PCBP3: variants seen among roughly 807,000 people sequenced by gnomAD.
The protein encoded by PCBP3 is poly(rC) binding protein 3.
A neutral mutation model predicts 52.7 loss-of-function variants in PCBP3; 25 were observed. That is an observed-to-expected ratio of 0.47 (90% CI 0.35 to 0.66). PCBP3 has a LOEUF of 0.66. PCBP3 is among the 30% of genes least tolerant of loss of function. The pLI is 0.01. For missense variants in PCBP3, 391 were observed against 490.3 expected (o/e 0.80, Z 1.91); for synonymous variants, 162 against 183.0 (o/e 0.89, Z 0.93).
At chr21:45,922,956 T>C (rs1334219444) in intron 13 of PCBP3, among the ~76,000 whole-genome samples, 5 of 142,518 alleles carry the variant, frequency 3.5e-5, no homozygotes, top group African/African-American at 1.4e-4. Context: ...GAAAGAGTCG[T>C]GGGGAAATTG....
intron 2 of PCBP3, among the ~76,000 whole-genome samples, chr21:45,726,883 T>G (rs1041179816): frequency 6.6e-6 from 1 of 152,240 alleles, no homozygotes; most frequent in Non-Finnish European, 1.5e-5. Context: ...TTTATTTTCT[T>G]ATTGAGCTTT....
intron 1 of PCBP3, among the ~76,000 whole-genome samples, chr21:45,667,267 C>T (rs1409497696): frequency 6.6e-6 from 1 of 151,802 alleles, no homozygotes; most frequent in Non-Finnish European, 1.5e-5. Context: ...CTCAGCCTCC[C>T]AAAATGTTGG....
rs984362280 is a variant in PCBP3, at chr21:45,727,954, A to G, written c.-199-7438A>G. On this transcript the variant is annotated intron_variant, in intron 2 of 17. Transcript: ENST00000681687. ...TTTATTTATCTTTATAACTAGCTTTATAATAAATCTTGAAATCGGGCAGTA... is the reference window on the plus strand; with the variant it reads ...TTTATTTATCTTTATAACTAGCTTTGTAATAAATCTTGAAATCGGGCAGTA... 3.3e-5 allele frequency among the ~76,000 whole-genome samples: 5 copies of G among 152,318 alleles called. No individual in the cohort carries two copies. In the East Asian group the frequency reaches 5.8e-4, roughly 18 times the overall value.
At chr21:45,930,645 G>T (rs2076060404) in intron 14 of PCBP3, 141 bp from the exon 15 acceptor site, 2 of 552,418 alleles carry the variant, frequency 3.6e-6, no homozygotes, top group Non-Finnish European at 3.3e-6. Flanking sequence ...CCTCCCCACA[G>T]AGGCAGTGCC....
In PCBP3 at chr21:45,928,598, G is replaced by A. The variant is rs371587; in HGVS notation, c.718-1319G>A. Among the ~76,000 whole-genome samples, 29,862 of 152,114 alleles carry A rather than the reference G, an allele frequency of 0.2. 3,746 individuals carry two copies. The highest frequency in any genetic ancestry group is 0.28 in the Non-Finnish European group (18,729 of 67,936). ...GGTGTCAGGGAACCCAGGTGCCAGGGGTGGCCAGGGCAAGCATGGGGGTCT... is the reference window on the plus strand; with the variant it reads ...GGTGTCAGGGAACCCAGGTGCCAGGAGTGGCCAGGGCAAGCATGGGGGTCT... On this transcript the variant is annotated intron_variant, in intron 13 of 17. Coordinates refer to ENST00000681687, the MANE Select transcript of PCBP3 (RefSeq NM_001384156.1). This position sits in a 1 kb window ranked among gnomAD's most constrained non-coding sequence, Gnocchi z 4.1.
intron 2 of PCBP3, among the ~76,000 whole-genome samples, chr21:45,697,456 A>G (rs1210037125): frequency 2.0e-5 from 3 of 152,228 alleles, no homozygotes; most frequent in Non-Finnish European, 4.4e-5. Context: ...AAAAAATATC[A>G]CAAAGTTGCC....
Position 45,814,564 on chromosome 21 carries a change from ATGAGTGG to A in PCBP3, c.-125-35383_-125-35377del, listed in dbSNP as rs1231206120. Among the ~76,000 whole-genome samples, 337 of 64,050 alleles carry A rather than the reference ATGAGTGG, an allele frequency of 5.3e-3. 7 individuals carry two copies. Among genetic ancestry groups the A allele is most frequent in the African/African-American group, 0.02 (303 of 14,964 alleles). The allele number at this position is 64,050 out of a possible 152,430, so 42.0% of individuals were successfully genotyped here. ...GTGAGTGAGTGGTGAGTGATGAGTG[ATGAGTGG>A]TGAGTGGTGAGTGATGAGTGGTGAG... On this transcript the variant is annotated intron_variant, in intron 4 of 17. Transcript: ENST00000681687.
chr21:45,823,225 C>T (rs1448475328), intron 4 of PCBP3, among the ~76,000 whole-genome samples: 1 of 152,216 alleles, frequency 6.6e-6, no homozygotes, highest in African/African-American at 2.4e-5. Context: ...CCCCTCAGGT[C>T]AGTCACCTCT....
chr21:45,822,220 C>T (rs533108860), intron 4 of PCBP3, among the ~76,000 whole-genome samples: 117 of 152,270 alleles, frequency 7.7e-4, no homozygotes, highest in South Asian at 3.7e-3. Flanking sequence ...GCACCGGCAC[C>T]GTCATCCTGG....
chr21:45,716,075 G>A (rs1039811334), intron 2 of PCBP3, among the ~76,000 whole-genome samples: 6 of 151,904 alleles, frequency 3.9e-5, no homozygotes, highest in African/African-American at 7.3e-5. Context: ...TATTTTTCAC[G>A]TTTTATTCTA....
chr21:45,940,408 G>A (rs928864895), intron 17 of PCBP3, among the ~76,000 whole-genome samples: 3 of 152,124 alleles, frequency 2.0e-5, no homozygotes, highest in African/African-American at 4.8e-5. Context: ...TCACTCTCCC[G>A]ACCTCCCACC....
chr21:45,940,461 C>A (rs1048913846), intron 17 of PCBP3, among the ~76,000 whole-genome samples: 11 of 152,240 alleles, frequency 7.2e-5, no homozygotes, highest in African/African-American at 2.2e-4. Context: ...GAGAGGAAGG[C>A]AGGTGCTCCT....
At chr21:45,856,189 T>C (rs1312749257) in intron 5 of PCBP3, among the ~76,000 whole-genome samples, 1 of 152,212 alleles carries the variant, frequency 6.6e-6, no homozygotes, top group African/African-American at 2.4e-5. Context: ...GAGAGTCTAG[T>C]GCCTTGTGAA....
chr21:45,661,495 TA>T (rs1197672610), intron 1 of PCBP3, among the ~76,000 whole-genome samples: 1 of 152,246 alleles, frequency 6.6e-6, no homozygotes, highest in Non-Finnish European at 1.5e-5. Flanking sequence ...TTCATTTTTT[TA>T]TGTGGCTTAG....
intron 2 of PCBP3, among the ~76,000 whole-genome samples, chr21:45,690,259 A>G (rs1431817179): frequency 6.6e-6 from 1 of 152,132 alleles, no homozygotes; most frequent in African/African-American, 2.4e-5. Flanking sequence ...AAACTGTCAG[A>G]AGAACTGAAT....
intron 4 of PCBP3, among the ~76,000 whole-genome samples, chr21:45,799,186 A>G (rs566671172): frequency 2.0e-5 from 3 of 152,374 alleles, no homozygotes; most frequent in African/African-American, 7.2e-5. Flanking sequence ...GATGGGCCGG[A>G]ATATAAGTAA....
At chr21:45,660,036 C>T (rs926194179) in intron 1 of PCBP3, among the ~76,000 whole-genome samples, 3 of 151,966 alleles carry the variant, frequency 2.0e-5, no homozygotes, top group South Asian at 2.1e-4. Context: ...GTATTGAAAA[C>T]GGACTTTTGA....
Position 45,800,682 on chromosome 21 carries a change from C to T in PCBP3, c.-126+45230C>T, listed in dbSNP as rs2092263349. On this transcript the variant is annotated intron_variant, in intron 4 of 17. Transcript: ENST00000681687. This position sits in a 1 kb window ranked among gnomAD's most constrained non-coding sequence, Gnocchi z 5.3. ...GCAGCCTGGTGCACACCTGTGCCCTCCTGAGCCTGGGTGAGGTGGCCCTCC... is the reference window on the plus strand; with the variant it reads ...GCAGCCTGGTGCACACCTGTGCCCTTCTGAGCCTGGGTGAGGTGGCCCTCC... 6.6e-6 allele frequency among the ~76,000 whole-genome samples: 1 copy of T among 152,236 alleles called. No individual in the cohort carries two copies. Among genetic ancestry groups the T allele is most frequent in the South Asian group, 2.1e-4 (1 of 4,836 alleles).
chr21:45,789,004 A>G (rs2091346225), intron 4 of PCBP3, among the ~76,000 whole-genome samples: 1 of 152,230 alleles, frequency 6.6e-6, no homozygotes, highest in African/African-American at 2.4e-5. Flanking sequence ...AACCAAATAC[A>G]TGCTCTGTGC....
Sources: gnomAD v4.1 joint callset for allele counts (sites outside exome capture counted in the v4.1 genomes callset) on GRCh38, gnomAD v4.1.1 for gene constraint, Gnocchi (gnomAD v3.1) non-coding constraint, MANE v1.5 for transcripts, NCBI Gene and HGNC (gene_info 2026-07-23, HGNC 2026-07-21) for gene names.